Variants in CPEB3 observed in about 807,000 individuals in gnomAD.
The protein encoded by CPEB3 is cytoplasmic polyadenylation element-binding protein 3.
Under a neutral mutation model 67.2 loss-of-function variants are expected in CPEB3, and 20 were observed. That is an observed-to-expected ratio of 0.30 (90% CI 0.21 to 0.43). CPEB3 has a LOEUF of 0.43. CPEB3 is among the 20% of genes least tolerant of loss of function. CPEB3 has a pLI of 1.00. For synonymous variants in CPEB3, 376 were observed against 393.1 expected (o/e 0.96, Z 0.51); for missense variants, 746 against 968.6 (o/e 0.77, Z 3.05).
chr10:92,052,168 CCTT>C lies in CPEB3; in HGVS notation c.*41_*43del, dbSNP rs762054686. On this transcript the variant is annotated 3_prime_UTR_variant, in exon 10 of 10. Transcript: ENST00000265997. Reference sequence around the variant, plus strand: ...TGAGGCAGTGCCCTCTCTTTTCCCTCCTTGTTATCTACTCCAGTACTTGTGGCT... The same window carrying C: ...TGAGGCAGTGCCCTCTCTTTTCCCTCGTTATCTACTCCAGTACTTGTGGCT... 1 of 1,393,478 alleles carries C rather than the reference CCTT, an allele frequency of 7.2e-7. No individual in the cohort carries two copies. The highest frequency in any genetic ancestry group is 2.3e-5 in the East Asian group (1 of 43,446). 86.3% of individuals were successfully genotyped at this position (1,393,478 alleles called of 1,614,324 possible).
At chr10:92,238,490 A>G (rs1851646898) in intron 2 of CPEB3, among the ~76,000 whole-genome samples, 3 of 152,186 alleles carry the variant, frequency 2.0e-5, no homozygotes, top group Admixed American at 2.0e-4. Flanking sequence ...CCCAGTTTCA[A>G]ATGATGTAAT....
chr10:92,240,245 G>A lies in CPEB3; in HGVS notation c.106C>T (p.Pro36Ser). 6.6e-7 allele frequency: 1 copy of A among 1,512,742 alleles called. No individual in the cohort carries two copies. Among genetic ancestry groups the A allele is most frequent in the Non-Finnish European group, 8.9e-7 (1 of 1,128,638 alleles). The allele number at this position is 1,512,742 out of a possible 1,614,324, so 93.7% of individuals were successfully genotyped here. A position where few individuals can be genotyped will look rare whatever the true frequency, so the allele number is the denominator to read the frequency against. Residue 36 changes from proline to serine, a missense_variant, in exon 2 of 10, where the codon CCG becomes TCG. Transcript: ENST00000265997. The stretch of plus-strand genomic sequence containing the variant: ...GTCTCTGAGGAGAGGGGCGTGGACG[G>A]GGCTTCGGATACGCTGGACTCAGGT... ...PQPESSVSEA[P>S]STPLSSETPK...
At chr10:92,200,710 T>TAA (rs1159537293) in intron 2 of CPEB3, among the ~76,000 whole-genome samples, 2 of 148,736 alleles carry the variant, frequency 1.3e-5, no homozygotes, top group African/African-American at 4.9e-5. Flanking sequence ...CTGGAGAAGT[T>TAA]AAAAAAAAAA....
intron 2 of CPEB3, among the ~76,000 whole-genome samples, chr10:92,214,815 C>A (rs1010893646): frequency 3.3e-5 from 5 of 151,614 alleles, no homozygotes; most frequent in Admixed American, 2.0e-4. Context: ...TTTTTTTCAA[C>A]TTTCCCAGCA....
Position 92,111,054 on chromosome 10 carries a change from CAG to C in CPEB3, c.1572+20_1572+21del. The C allele has an allele frequency of 6.7e-7, 1 of 1,496,620 alleles. No individual in the cohort carries two copies. Among genetic ancestry groups the C allele is most frequent in the Non-Finnish European group, 9.3e-7 (1 of 1,072,832 alleles). The allele number at this position is 1,496,620 out of a possible 1,614,324, so 92.7% of individuals were successfully genotyped here. ...TAGCATATGTGCTCTGGAAAAGCAA[CAG>C]CTGGCCATGTATTACTTACTGGCTT... On this transcript the variant is annotated intron_variant, in intron 7 of 9. Transcript: ENST00000265997.
intron 1 of CPEB3, among the ~76,000 whole-genome samples, chr10:92,285,381 C>G (rs528001342): frequency 1.3e-5 from 2 of 152,354 alleles, no homozygotes; most frequent in South Asian, 4.1e-4. Context: ...AGTGATTCTC[C>G]TGCCTCAGCC....
chr10:92,279,337 G>A (rs996106436), intron 1 of CPEB3, among the ~76,000 whole-genome samples: 2 of 152,086 alleles, frequency 1.3e-5, no homozygotes, highest in African/African-American at 4.8e-5. Context: ...TTTCTGACAC[G>A]TTCCCAAAAT....
intron 4 of CPEB3, among the ~76,000 whole-genome samples, chr10:92,151,443 G>C (rs1383538605): frequency 6.6e-6 from 1 of 152,202 alleles, no homozygotes; most frequent in East Asian, 1.9e-4. Context: ...ATAGGTTCCA[G>C]CCTAGTGTCC....
intron 7 of CPEB3, among the ~76,000 whole-genome samples, chr10:92,097,736 T>G (rs551740808): frequency 6.6e-6 from 1 of 152,324 alleles, no homozygotes; most frequent in South Asian, 2.1e-4. Context: ...AAGTGTGTTC[T>G]GTGGAACATG....
chr10:92,102,853 T>A (rs1325865767), intron 7 of CPEB3, among the ~76,000 whole-genome samples: 1 of 152,204 alleles, frequency 6.6e-6, no homozygotes, highest in African/African-American at 2.4e-5. Flanking sequence ...ATTTTAACTT[T>A]CAGGTTTTCA....
chr10:92,177,584 C>T (rs1410181311), intron 4 of CPEB3, among the ~76,000 whole-genome samples: 4 of 152,218 alleles, frequency 2.6e-5, no homozygotes, highest in Middle Eastern at 3.4e-3. Context: ...TTTTCCACAC[C>T]CTAAATGTCT....
Position 92,049,687 on chromosome 10 carries a change from A to G in CPEB3, c.*2525T>C, listed in dbSNP as rs918105200. On this transcript the variant is annotated 3_prime_UTR_variant, in exon 10 of 10. Transcript: ENST00000265997. The stretch of plus-strand genomic sequence containing the variant: ...TTTTTGTAACCTATTCTTCAGGACA[A>G]TGTTTTTTGCCTTCACTTTAGCTTT... The G allele has an allele frequency of 1.3e-5, 2 of 152,582 alleles. No individual in the cohort carries two copies. Among genetic ancestry groups the G allele is most frequent in the East Asian group, 3.8e-4 (2 of 5,200 alleles). 9.5% of individuals were successfully genotyped at this position (152,582 alleles called of 1,614,324 possible).
intron 3 of CPEB3, among the ~76,000 whole-genome samples, chr10:92,182,866 C>T (rs955307548): frequency 6.6e-6 from 1 of 151,106 alleles, no homozygotes; most frequent in Admixed American, 6.6e-5. Context: ...AAACAAAACC[C>T]TCGCAAGTGA....
intron 2 of CPEB3, among the ~76,000 whole-genome samples, chr10:92,225,341 C>A (rs552775413): frequency 4.5e-4 from 69 of 152,118 alleles, no homozygotes; most frequent in Non-Finnish European, 4.4e-4. Context: ...ATTATGATGC[C>A]CAACGATGTT....
At chr10:92,122,062 T>C (rs1017624105) in intron 6 of CPEB3, among the ~76,000 whole-genome samples, 5 of 151,994 alleles carry the variant, frequency 3.3e-5, no homozygotes, top group African/African-American at 1.2e-4. Flanking sequence ...AGTACTGAGG[T>C]TGCAAAGATG....
At chr10:92,198,499 T>C (rs1193205001) in intron 2 of CPEB3, among the ~76,000 whole-genome samples, 5 of 152,208 alleles carry the variant, frequency 3.3e-5, no homozygotes, top group African/African-American at 1.2e-4. Flanking sequence ...CCTGCCCTTT[T>C]CTTGGAAGAG....
At chr10:92,195,763 C>T (rs1360768507) in intron 2 of CPEB3, among the ~76,000 whole-genome samples, 1 of 152,120 alleles carries the variant, frequency 6.6e-6, no homozygotes, top group African/African-American at 2.4e-5. Flanking sequence ...GATAATCCCT[C>T]AAGGTAGATA....
chr10:92,069,204 G>A (rs887917729), intron 9 of CPEB3, among the ~76,000 whole-genome samples: 5 of 152,098 alleles, frequency 3.3e-5, no homozygotes, highest in African/African-American at 7.2e-5. Flanking sequence ...ATTAGTCTTC[G>A]TGTAGGCTAA....
intron 9 of CPEB3, among the ~76,000 whole-genome samples, chr10:92,069,221 A>T (rs898868144): frequency 6.6e-6 from 1 of 152,116 alleles, no homozygotes; most frequent in African/African-American, 2.4e-5. Context: ...CTAAAAATAT[A>T]CACCCTTTGG....
Sources: gnomAD v4.1 joint callset for allele counts (sites outside exome capture counted in the v4.1 genomes callset) on GRCh38, gnomAD v4.1.1 for gene constraint, MANE v1.5 for transcripts, NCBI Gene and HGNC (gene_info 2026-07-23, HGNC 2026-07-21) for gene names.